PLCH1: variants seen among roughly 807,000 people sequenced by gnomAD.
The protein encoded by PLCH1 is 1-phosphatidylinositol 4,5-bisphosphate phosphodiesterase eta-1.
In PLCH1, 60 loss-of-function variants were observed where a neutral mutation model predicts 126.7. The ratio of observed to expected loss-of-function variants is 0.47; its 90% CI spans 0.38 to 0.59. The LOEUF (loss-of-function observed/expected upper bound fraction) is 0.59, where lower values mean the gene tolerates loss of function less well. PLCH1 is among the 20% of genes least tolerant of loss of function. The probability of loss-of-function intolerance (pLI) is 0.00; values close to 1 mark genes in which losing one functional copy is unlikely to be tolerated. For missense variants in PLCH1, 1,723 were observed against 2,040.0 expected, an observed-to-expected ratio of 0.84 and a Z score of 2.99; for synonymous variants, 719 against 734.9, an observed-to-expected ratio of 0.98 and a Z score of 0.35.
chr3:155,497,462 G>C (rs1240909336), intron 14 of PLCH1, 45 bp from the exon 15 acceptor site: 1 of 1,363,726 alleles, frequency 7.3e-7, no homozygotes, highest in East Asian at 2.3e-5. Context: ...GGAGTTGAAA[G>C]AGGTTTGGGT....
At chr3:155,601,022 T>G (rs1234606854) in intron 2 of PLCH1, among the ~76,000 whole-genome samples, 1 of 152,232 alleles carries the variant, frequency 6.6e-6, no homozygotes, top group Non-Finnish European at 1.5e-5. Flanking sequence ...TAGCCCAGGC[T>G]GGAGTGCAGT....
intron 10 of PLCH1, among the ~76,000 whole-genome samples, chr3:155,543,485 C>T (rs1724708957): frequency 6.6e-6 from 1 of 152,112 alleles, no homozygotes; most frequent in East Asian, 1.9e-4. Context: ...TCCAGGAGAA[C>T]TTCCCCAGTC....
chr3:155,614,673 T>C (rs1735563272), intron 2 of PLCH1, among the ~76,000 whole-genome samples: 2 of 151,920 alleles, frequency 1.3e-5, no homozygotes, highest in South Asian at 4.1e-4. Context: ...AACAAAAGCA[T>C]AAAGTGGAGA....
chr3:155,481,243 T>C lies in PLCH1; in HGVS notation c.4783A>G (p.Lys1595Glu). ...GCCCCATTGCTGGGGTTTGGAACTT[T>C]CTGCTTGTTGGCTTCCTGTTTCTCC... ...AKEKQEANKQKVPNPSNGAGV... is the reference protein window; with the variant it reads ...AKEKQEANKQEVPNPSNGAGV... Residue 1595 changes from lysine to glutamate, a missense_variant, in exon 23 of 23, where the codon AAA (lysine) becomes GAA (glutamate). This residue lies in a region of PLCH1 where 947 missense variants were observed against 977.1 expected (regional missense o/e 0.97). Coordinates refer to ENST00000460012, the MANE Select transcript of PLCH1 (RefSeq NM_014996.4). This position sits in a 1 kb window ranked among gnomAD's most constrained non-coding sequence, Gnocchi z 4.2. 6.2e-7 allele frequency: 1 copy of C among 1,614,242 alleles called. No individual in the cohort carries two copies. Among genetic ancestry groups the C allele is most frequent in the Non-Finnish European group, 8.5e-7 (1 of 1,180,046 alleles).
intron 2 of PLCH1, among the ~76,000 whole-genome samples, chr3:155,652,057 C>T (rs905442759): frequency 2.6e-5 from 4 of 152,202 alleles, no homozygotes; most frequent in Admixed American, 2.0e-4. Flanking sequence ...ATACACTGTT[C>T]GAATCATCTG....
At chr3:155,549,705 T>C (rs1725849099) in intron 10 of PLCH1, 82 bp downstream of exon 10, 2 of 983,450 alleles carry the variant, frequency 2.0e-6, no homozygotes, top group Non-Finnish European at 3.1e-6. Flanking sequence ...TTATTCTCCC[T>C]TGAAACCCAT....
At chr3:155,506,312 C>A (rs547539272) in intron 12 of PLCH1, among the ~76,000 whole-genome samples, 4 of 150,830 alleles carry the variant, frequency 2.7e-5, no homozygotes, top group African/African-American at 9.7e-5. Flanking sequence ...CTTCCTTCCA[C>A]TTCTCCAACA....
intron 21 of PLCH1, among the ~76,000 whole-genome samples, chr3:155,461,835 G>A (rs1712738696): frequency 6.6e-6 from 1 of 152,102 alleles, no homozygotes; most frequent in Non-Finnish European, 1.5e-5. Flanking sequence ...CCCCTCCTTT[G>A]GTCAATCCAA....
At chr3:155,550,880 C>T (rs73013284) in intron 9 of PLCH1, among the ~76,000 whole-genome samples, 2,856 of 152,290 alleles carry the variant, frequency 0.019, 95 homozygotes, top group African/African-American at 0.065. Context: ...ACAAGTTCCA[C>T]AATACGGGCT....
At chr3:155,722,782 CT>C (rs1559963672) in intron 1 of PLCH1, among the ~76,000 whole-genome samples, 2 of 152,014 alleles carry the variant, frequency 1.3e-5, no homozygotes, top group Non-Finnish European at 2.9e-5. Context: ...CTGTGATTTT[CT>C]TTTTTTGGTA....
At chr3:155,588,097 A>G (rs1049742752) in intron 4 of PLCH1, among the ~76,000 whole-genome samples, 3 of 152,240 alleles carry the variant, frequency 2.0e-5, no homozygotes, top group Non-Finnish European at 4.4e-5. Flanking sequence ...TACCTCAGAA[A>G]GTAAAAACAA....
chr3:155,724,432 T>C (rs1464708072), intron 1 of PLCH1, among the ~76,000 whole-genome samples: 1 of 152,200 alleles, frequency 6.6e-6, no homozygotes, highest in Non-Finnish European at 1.5e-5. Flanking sequence ...CAGTGTCAGG[T>C]GCATATATAT....
At chr3:155,636,328 T>G (rs1412784527) in intron 2 of PLCH1, among the ~76,000 whole-genome samples, 3 of 152,250 alleles carry the variant, frequency 2.0e-5, no homozygotes, top group African/African-American at 7.2e-5. Flanking sequence ...CTGTTGTTGT[T>G]GTTTTTATTG....
chr3:155,586,034 A>G (rs755300504), intron 5 of PLCH1, 31 bp downstream of exon 5: 1 of 1,604,854 alleles, frequency 6.2e-7, no homozygotes, highest in South Asian at 1.1e-5. Context: ...TGTGTATTTT[A>G]TATAAGGCCA....
chr3:155,628,549 CT>C (rs56820929), intron 2 of PLCH1, among the ~76,000 whole-genome samples: 10,368 of 143,310 alleles, frequency 0.072, 452 homozygotes, highest in Middle Eastern at 0.13. Context: ...CTTCACCTCT[CT>C]TTTTTTTTTT....
chr3:155,458,969 T>G (rs1712604120), intron 21 of PLCH1, among the ~76,000 whole-genome samples: 1 of 152,212 alleles, frequency 6.6e-6, no homozygotes, highest in African/African-American at 2.4e-5. Flanking sequence ...AGCTATCCCC[T>G]TCTGCTGTCT....
At position 155,741,684 on chromosome 3, in the gene PLCH1, C is replaced by CTTT. The variant is rs71624571; in HGVS notation, c.-41+3153_-41+3155dup. On this transcript the variant is annotated intron_variant, in intron 1 of 22. Coordinates refer to ENST00000460012, the MANE Select transcript of PLCH1 (RefSeq NM_014996.4). Reference sequence around the variant, plus strand: ...TCCTTTTATCATAATTTTATATCCTCTTTTTTTTTTTTTTTTTTTTGTTCA... The same window carrying CTTT: ...TCCTTTTATCATAATTTTATATCCTCTTTTTTTTTTTTTTTTTTTTTTTGTTCA... 8.8e-3 allele frequency among the ~76,000 whole-genome samples: 901 copies of CTTT among 102,834 alleles called. 12 individuals are homozygous for CTTT. The highest frequency in any genetic ancestry group is 0.022 in the South Asian group (68 of 3,096). 67.5% of individuals were successfully genotyped at this position (102,834 alleles called of 152,430 possible).
intron 21 of PLCH1, among the ~76,000 whole-genome samples, chr3:155,463,860 C>A (rs1324394906): frequency 1.3e-5 from 2 of 152,216 alleles, no homozygotes; most frequent in Non-Finnish European, 2.9e-5. Context: ...GTGCTTCTTC[C>A]TCCTTCTAGG....
At chr3:155,580,458 G>A (rs1451826894) in intron 6 of PLCH1, among the ~76,000 whole-genome samples, 1 of 152,014 alleles carries the variant, frequency 6.6e-6, no homozygotes, top group African/African-American at 2.4e-5. Context: ...GAGACTTTTT[G>A]CCATTTATGA....
Sources: allele counts gnomAD v4.1 joint callset (sites outside exome capture counted in the v4.1 genomes callset), GRCh38; gene constraint gnomAD v4.1.1; regional missense constraint gnomAD v4.1.1; non-coding constraint Gnocchi (gnomAD v3.1); transcripts MANE v1.5; gene names NCBI Gene and HGNC (gene_info 2026-07-23, HGNC 2026-07-21).